Variants in LCOR observed in about 807,000 individuals in gnomAD.
The protein encoded by LCOR is ligand dependent nuclear receptor corepressor, also known as ligand-dependent corepressor.
A neutral mutation model predicts 64.4 loss-of-function variants in LCOR; 14 were observed. The observed-to-expected ratio is 0.22, with a 90% confidence interval of 0.14 to 0.34. The LOEUF is 0.34. LCOR is among the 10% of genes least tolerant of loss of function. The pLI is 1.00. For synonymous variants in LCOR, 643 were observed against 642.5 expected, an observed-to-expected ratio of 1.00 and a Z score of -0.01; for missense variants, 1,686 against 1,765.3, an observed-to-expected ratio of 0.96 and a Z score of 0.80.
chr10:96,977,674 T>G (rs1848049795), intron 7 of LCOR, among the ~76,000 whole-genome samples: 1 of 152,086 alleles, frequency 6.6e-6, no homozygotes, highest in Non-Finnish European at 1.5e-5. Flanking sequence ...TTTGTTTGTT[T>G]GTTTGTTTGT....
intron 2 of LCOR, among the ~76,000 whole-genome samples, chr10:96,838,596 C>G (rs1845486420): frequency 6.6e-6 from 1 of 152,160 alleles, no homozygotes; most frequent in Admixed American, 6.6e-5. Context: ...GCTTTTTGTG[C>G]CTGGCTTCTT....
Position 96,993,327 on chromosome 10 carries a change from T to C in LCOR, c.*8193T>C, listed in dbSNP as rs1461742013. 1 of 152,214 alleles carries C rather than the reference T, an allele frequency of 6.6e-6. No homozygotes were observed. The highest frequency in any genetic ancestry group is 6.5e-5 in the Admixed American group (1 of 15,280). The allele number at this position is 152,214 out of a possible 1,614,324, so 9.4% of individuals were successfully genotyped here. A position where few individuals can be genotyped will look rare whatever the true frequency, so the allele number is the denominator to read the frequency against. ...AATGAGGCAGACACTTGAACAGTAA[T>C]GCTGGAGAATGTTTTTTCTAGGAGA... is the stretch of plus-strand genomic sequence containing the variant. On this transcript the variant is annotated 3_prime_UTR_variant, in exon 8 of 8. Transcript: ENST00000421806.
intron 4 of LCOR, among the ~76,000 whole-genome samples, chr10:96,930,855 TCAC>T (rs1259661246): frequency 6.6e-6 from 1 of 152,160 alleles, no homozygotes; most frequent in African/African-American, 2.4e-5. Context: ...AAGAAGGCCT[TCAC>T]CAGACACCGA....
chr10:96,962,065 G>GCATCCAAATGCAA (rs1847890237), intron 7 of LCOR: 2 of 151,816 alleles, frequency 1.3e-5, no homozygotes, highest in South Asian at 4.2e-4. Context: ...GTAAGTTTTT[G>GCATCCAAATGCAA]GATGATTATT....
intron 2 of LCOR, among the ~76,000 whole-genome samples, chr10:96,901,895 G>A (rs1217830394): frequency 5.9e-5 from 9 of 151,822 alleles, no homozygotes; most frequent in South Asian, 4.2e-4. Flanking sequence ...TCAGCCTCCC[G>A]GGTAGTTGGG....
At chr10:96,929,742 A>G (rs1464940669) in intron 4 of LCOR, among the ~76,000 whole-genome samples, 4 of 152,202 alleles carry the variant, frequency 2.6e-5, no homozygotes. Context: ...ACTAAGCTCA[A>G]TCATTTAAAT....
chr10:96,861,757 G>T (rs1254555723), intron 2 of LCOR, among the ~76,000 whole-genome samples: 1 of 152,122 alleles, frequency 6.6e-6, no homozygotes, highest in African/African-American at 2.4e-5. Flanking sequence ...TGTTGGCCAG[G>T]CTGGTCTTGA....
Position 96,984,388 on chromosome 10 carries a change from C to T in LCOR, c.3928C>T (p.Leu1310Phe). 6.2e-7 allele frequency: 1 copy of T among 1,614,176 alleles called. No individual in the cohort carries two copies. Among genetic ancestry groups the T allele is most frequent in the Non-Finnish European group, 8.5e-7 (1 of 1,180,038 alleles). The change falls in exon 8 of 8, where the codon CTT becomes TTT. Residue 1310 changes from leucine to phenylalanine, a missense_variant. By Grantham distance (22) the Leu-to-Phe change is conservative. Transcript: ENST00000421806. ...NLPTPASTRI[L>F]RKYSNIRGKL... ...GCCCACTCCAGCCAGTACCCGGATT[C>T]TTAGAAAATATTCCAATATTCGAGG...
At chr10:96,946,269 T>C (rs1374729790) in intron 5 of LCOR, among the ~76,000 whole-genome samples, 1 of 152,134 alleles carries the variant, frequency 6.6e-6, no homozygotes, top group African/African-American at 2.4e-5. Context: ...TTTGTTTTAA[T>C]AATTCAGATG....
intron 7 of LCOR, chr10:96,954,978 C>T (rs766217788): frequency 1.9e-5 from 31 of 1,613,894 alleles, no homozygotes; most frequent in Non-Finnish European, 2.5e-5. Context: ...CAGCCAGTAC[C>T]GCCCAGACGG....
At chr10:96,952,889 CTG>C (rs1847705683) in intron 7 of LCOR, among the ~76,000 whole-genome samples, 1 of 152,076 alleles carries the variant, frequency 6.6e-6, no homozygotes, top group Admixed American at 6.6e-5. Context: ...TTCTATAAAA[CTG>C]TGTGACAAAA....
At chr10:96,949,655 A>G (rs949371946) in intron 6 of LCOR, among the ~76,000 whole-genome samples, 14 of 152,332 alleles carry the variant, frequency 9.2e-5, no homozygotes, top group African/African-American at 3.4e-4. Flanking sequence ...AAAATTTTCT[A>G]GGACTAGCAC....
chr10:96,833,334 C>T, intron 1 of LCOR, 72 bp from the exon 2 acceptor site: 2 of 958,458 alleles, frequency 2.1e-6, no homozygotes, highest in Non-Finnish European at 2.5e-6. Flanking sequence ...CGGACGGGGG[C>T]GCCCCGGGAG....
At chr10:96,955,460 G>C in intron 7 of LCOR, 1 of 1,614,130 alleles carries the variant, frequency 6.2e-7, no homozygotes, top group Non-Finnish European at 8.5e-7. Context: ...CTTTGGTAAT[G>C]GGTTCACAAA....
intron 7 of LCOR, among the ~76,000 whole-genome samples, chr10:96,976,772 C>T (rs930682179): frequency 2.0e-5 from 3 of 152,206 alleles, no homozygotes; most frequent in Admixed American, 6.5e-5. Flanking sequence ...TGTCTTCTTA[C>T]TGCATGCATA....
chr10:96,876,404 A>G (rs1846164606), intron 2 of LCOR, among the ~76,000 whole-genome samples: 3 of 152,234 alleles, frequency 2.0e-5, no homozygotes, highest in Admixed American at 2.0e-4. Flanking sequence ...TTCTCAACAC[A>G]TGAAATTTGG....
chr10:96,953,773 A>G (rs1381898143), intron 7 of LCOR, among the ~76,000 whole-genome samples: 2 of 152,188 alleles, frequency 1.3e-5, no homozygotes, highest in African/African-American at 4.8e-5. Flanking sequence ...CACCAATAGG[A>G]TTGCCCATCT....
chr10:96,871,579 A>T (rs1221495792), intron 2 of LCOR, among the ~76,000 whole-genome samples: 2 of 140,166 alleles, frequency 1.4e-5, no homozygotes, highest in African/African-American at 2.6e-5. Flanking sequence ...CGCCTGGCTA[A>T]TTTTTTTTTT....
intron 2 of LCOR, among the ~76,000 whole-genome samples, chr10:96,844,339 C>T (rs917366785): frequency 3.3e-5 from 5 of 151,678 alleles, no homozygotes; most frequent in East Asian, 3.9e-4. Context: ...TTTGTAAAGA[C>T]GGGGTCTTGC....
Sources: allele counts gnomAD v4.1 joint callset (sites outside exome capture counted in the v4.1 genomes callset), GRCh38; gene constraint gnomAD v4.1.1; transcripts MANE v1.5; gene names NCBI Gene and HGNC (gene_info 2026-07-23, HGNC 2026-07-21).